Variants in DENND1B observed in about 807,000 individuals in gnomAD.
DENND1B encodes DENN domain-containing protein 1B.
Under a neutral mutation model 90.1 loss-of-function variants are expected in DENND1B, and 59 were observed. The ratio of observed to expected loss-of-function variants is 0.65; its 90% CI spans 0.53 to 0.81. The LOEUF (loss-of-function observed/expected upper bound fraction) is 0.81. Ranked by LOEUF, DENND1B falls within the 40% of genes least tolerant of loss-of-function variation. The pLI, the probability that DENND1B is intolerant of heterozygous loss-of-function variation, is 0.00. For missense variants in DENND1B, 862 were observed against 912.6 expected, an observed-to-expected ratio of 0.94 and a Z score of 0.71; for synonymous variants, 337 against 324.6, an observed-to-expected ratio of 1.04 and a Z score of -0.41.
At chr1:197,713,820 ATATATTATATATAATATAT>A in intron 3 of DENND1B, among the ~76,000 whole-genome samples, 1 of 56,070 alleles carries the variant, frequency 1.8e-5, no homozygotes, top group African/African-American at 6.6e-5. Context: ...ATTATATATA[ATATATTATATATAATATAT>A]TATATTATAT....
At position 197,666,657 on chromosome 1, in the gene DENND1B, C is replaced by T. The variant is rs116083541; in HGVS notation, c.296+5380G>A. 5.3e-3 allele frequency among the ~76,000 whole-genome samples: 804 copies of T among 152,298 alleles called. 9 individuals are homozygous for T. Among genetic ancestry groups the T allele is most frequent in the African/African-American group, 0.018 (747 of 41,572 alleles). On this transcript the variant is annotated intron_variant, in intron 5 of 22. Transcript: ENST00000620048. ...TTGCAAACAAAAAGGCTTTTGCCAG[C>T]TACTCATAAATAACTCAGAAAATGA...
Position 197,775,162 on chromosome 1 carries a change from A to T in DENND1B, c.-7T>A, listed in dbSNP as rs1294707604. On this transcript the variant is annotated 5_prime_UTR_variant, in exon 1 of 23. An upstream start codon of the reference 5' UTR is lost. Transcript: ENST00000620048. ...ACTTGGTCCTGCAGTCCATGGTTAC[A>T]TGTCGGTGTGGGGCTGTCCGTCCGG... is the stretch of plus-strand genomic sequence containing the variant. The T allele has an allele frequency of 1.6e-5, 21 of 1,302,804 alleles. No individual in the cohort carries two copies. The East Asian group carries it at 4.9e-4, about 30-fold the overall frequency. The allele number at this position is 1,302,804 out of a possible 1,614,324, so 80.7% of individuals were successfully genotyped here.
intron 2 of DENND1B, among the ~76,000 whole-genome samples, chr1:197,766,785 T>G (rs932182339): frequency 6.6e-6 from 1 of 152,044 alleles, no homozygotes; most frequent in African/African-American, 2.4e-5. Flanking sequence ...TAGATCCAAT[T>G]TATTTTTATT....
chr1:197,536,324 A>T (rs1669904101), intron 20 of DENND1B, among the ~76,000 whole-genome samples: 1 of 152,268 alleles, frequency 6.6e-6, no homozygotes, highest in South Asian at 2.1e-4. Context: ...TCCTTATAAT[A>T]AATGGCTTGA....
chr1:197,664,185 T>C (rs1402425969), intron 5 of DENND1B, among the ~76,000 whole-genome samples: 2 of 152,036 alleles, frequency 1.3e-5, no homozygotes, highest in East Asian at 3.9e-4. Flanking sequence ...TAAGGTAAAA[T>C]GTTAAAATGT....
intron 15 of DENND1B, among the ~76,000 whole-genome samples, chr1:197,582,481 A>G (rs1039629931): frequency 3.3e-5 from 5 of 152,204 alleles, no homozygotes; most frequent in Non-Finnish European, 5.9e-5. Flanking sequence ...GCGGAATAAG[A>G]AAAACAAGTG....
At chr1:197,578,075 A>G (rs1673848981) in intron 15 of DENND1B, among the ~76,000 whole-genome samples, 1 of 152,192 alleles carries the variant, frequency 6.6e-6, no homozygotes, top group Non-Finnish European at 1.5e-5. Flanking sequence ...TGACTGAAAG[A>G]AGGAGTGTCC....
intron 10 of DENND1B, among the ~76,000 whole-genome samples, chr1:197,625,593 G>T (rs560864776): frequency 2.6e-4 from 39 of 152,184 alleles, no homozygotes; most frequent in African/African-American, 8.9e-4. Context: ...AGGCTAGGAA[G>T]AAACTGCATC....
intron 2 of DENND1B, among the ~76,000 whole-genome samples, chr1:197,754,516 G>C (rs1653996999): frequency 6.6e-6 from 1 of 152,012 alleles, no homozygotes; most frequent in Non-Finnish European, 1.5e-5. Context: ...AAATCAGCCA[G>C]ATGTGGTGGT....
At chr1:197,691,877 A>G (rs1246633361) in intron 3 of DENND1B, among the ~76,000 whole-genome samples, 1 of 151,958 alleles carries the variant, frequency 6.6e-6, no homozygotes, top group Non-Finnish European at 1.5e-5. Flanking sequence ...CAAATACTGC[A>G]TGATTCCACT....
intron 2 of DENND1B, among the ~76,000 whole-genome samples, chr1:197,717,534 A>G (rs925313064): frequency 5.3e-5 from 8 of 151,982 alleles, no homozygotes; most frequent in Admixed American, 5.2e-4. Context: ...TTTTGACATA[A>G]ATATATTTAA....
At chr1:197,584,509 T>C (rs1377033558) in intron 14 of DENND1B, among the ~76,000 whole-genome samples, 1 of 152,182 alleles carries the variant, frequency 6.6e-6, no homozygotes, top group Non-Finnish European at 1.5e-5. Context: ...TAAAAAGTTT[T>C]CCTGGATAGC....
At chr1:197,529,310 GTA>G (rs1205865176) in intron 20 of DENND1B, among the ~76,000 whole-genome samples, 11 of 143,690 alleles carry the variant, frequency 7.7e-5, no homozygotes, top group South Asian at 2.2e-4. Flanking sequence ...GTGTATATAT[GTA>G]TATATATGTG....
chr1:197,642,174 G>C lies in DENND1B; in HGVS notation c.672+537C>G, dbSNP rs571067232. Among the ~76,000 whole-genome samples, 4 of 152,142 alleles carry C rather than the reference G, an allele frequency of 2.6e-5. No individual in the cohort carries two copies. In the East Asian group the frequency reaches 7.7e-4, roughly 29 times the overall value. The stretch of plus-strand genomic sequence containing the variant: ...AGACCTTCCAAAAGAACATTTTAGT[G>C]AATGTCATAAAACCTGTGATTTATA... On this transcript the variant is annotated intron_variant, in intron 10 of 22. Transcript: ENST00000620048.
chr1:197,674,997 A>G (rs945949874), intron 3 of DENND1B, among the ~76,000 whole-genome samples: 1 of 152,158 alleles, frequency 6.6e-6, no homozygotes, highest in Non-Finnish European at 1.5e-5. Context: ...CTTGGCAAAC[A>G]AAGTCTTAAT....
At chr1:197,726,663 C>T (rs41322944) in intron 2 of DENND1B, among the ~76,000 whole-genome samples, 1 of 152,168 alleles carries the variant, frequency 6.6e-6, no homozygotes, top group Admixed American at 6.5e-5. Flanking sequence ...CAAGCAATTC[C>T]TCAGTACTTA....
chr1:197,672,984 A>G (rs2125985636), intron 4 of DENND1B, among the ~76,000 whole-genome samples: 1 of 152,158 alleles, frequency 6.6e-6, no homozygotes, highest in East Asian at 1.9e-4. Flanking sequence ...AATATCCATG[A>G]CGCCTACACT....
intron 2 of DENND1B, among the ~76,000 whole-genome samples, chr1:197,756,918 C>G (rs942765187): frequency 9.3e-5 from 14 of 150,922 alleles, no homozygotes; most frequent in Non-Finnish European, 1.6e-4. Context: ...GCAATCCTCT[C>G]TCCTAGCTTT....
intron 3 of DENND1B, among the ~76,000 whole-genome samples, chr1:197,686,678 C>T (rs1265224752): frequency 6.6e-6 from 1 of 151,754 alleles, no homozygotes; most frequent in Non-Finnish European, 1.5e-5. Context: ...AGATGTTAGA[C>T]TAATCTCCTC....
Sources: gnomAD v4.1 joint callset for allele counts (sites outside exome capture counted in the v4.1 genomes callset) on GRCh38, gnomAD v4.1.1 for gene constraint, MANE v1.5 for transcripts, NCBI Gene and HGNC (gene_info 2026-07-23, HGNC 2026-07-21) for gene names.